The following DCAF10 variants were observed in gnomAD, a reference collection of about 807,000 sequenced individuals.
The protein encoded by DCAF10 is DDB1- and CUL4-associated factor 10.
A neutral mutation model predicts 51.9 loss-of-function variants in DCAF10; 19 were observed. The ratio of observed to expected loss-of-function variants is 0.37; its 90% CI spans 0.26 to 0.54. The LOEUF is 0.54. DCAF10 is among the 20% of genes least tolerant of loss of function. The pLI is 0.87. For synonymous variants in DCAF10, 291 were observed against 297.1 expected, an observed-to-expected ratio of 0.98 and a Z score of 0.21; for missense variants, 510 against 730.6, an observed-to-expected ratio of 0.70 and a Z score of 3.48.
chr9:37,830,404 A>T (rs1001571931), intron 2 of DCAF10, among the ~76,000 whole-genome samples: 2 of 152,228 alleles, frequency 1.3e-5, no homozygotes, highest in African/African-American at 4.8e-5. Context: ...GTTCTTATTA[A>T]ACATTTACAG....
chr9:37,811,356 A>T (rs1029132899), intron 1 of DCAF10, among the ~76,000 whole-genome samples: 4 of 152,312 alleles, frequency 2.6e-5, no homozygotes, highest in African/African-American at 9.6e-5. Flanking sequence ...TAAAAATATA[A>T]TATATCATCC....
At chr9:37,846,480 C>T (rs917492797) in intron 3 of DCAF10, among the ~76,000 whole-genome samples, 5 of 151,976 alleles carry the variant, frequency 3.3e-5, no homozygotes, top group Non-Finnish European at 5.9e-5. Flanking sequence ...ACTTATAGAC[C>T]TACAGCAAGT....
chr9:37,836,824 A>G (rs973753940), intron 2 of DCAF10, among the ~76,000 whole-genome samples: 2 of 151,972 alleles, frequency 1.3e-5, no homozygotes, highest in African/African-American at 4.8e-5. Context: ...CAGATTGAGC[A>G]GTTAAAGTTT....
At chr9:37,823,589 G>GTT (rs138960972) in intron 2 of DCAF10, among the ~76,000 whole-genome samples, 47 of 149,704 alleles carry the variant, frequency 3.1e-4, no homozygotes, top group African/African-American at 6.1e-4. Flanking sequence ...GAATTTAGGA[G>GTT]TTTTTTTGGC....
At chr9:37,836,065 A>T (rs1830156401) in intron 2 of DCAF10, 2 of 1,140,446 alleles carry the variant, frequency 1.8e-6, no homozygotes, top group Non-Finnish European at 2.7e-6. Flanking sequence ...TTGGACAGTT[A>T]TGAATATTTT....
intron 2 of DCAF10, among the ~76,000 whole-genome samples, chr9:37,823,452 G>A (rs1166325684): frequency 1.3e-5 from 2 of 152,212 alleles, no homozygotes; most frequent in South Asian, 4.1e-4. Flanking sequence ...AGGAGAAAAT[G>A]GAGTAATATT....
intron 1 of DCAF10, among the ~76,000 whole-genome samples, chr9:37,812,317 A>G (rs146457162): frequency 2.0e-5 from 3 of 152,330 alleles, no homozygotes; most frequent in East Asian, 3.9e-4. Flanking sequence ...ACTTAGCTAC[A>G]AGAGTAAAGC....
At chr9:37,838,612 C>T (rs1015252271) in intron 2 of DCAF10, among the ~76,000 whole-genome samples, 1 of 152,106 alleles carries the variant, frequency 6.6e-6, no homozygotes, top group Middle Eastern at 3.4e-3. Flanking sequence ...AAAAAGAAGC[C>T]GGGCACAGTG....
chr9:37,856,386 TCTAA>T (rs1420389438), intron 4 of DCAF10, among the ~76,000 whole-genome samples: 4 of 152,224 alleles, frequency 2.6e-5, no homozygotes, highest in African/African-American at 7.2e-5. Context: ...GATAAGCAAC[TCTAA>T]CTTAGTGAGA....
Position 37,861,742 on chromosome 9 carries a change from A to C in DCAF10, c.*234A>C. ...TTGCAGCATTCCTCTGCTCCTGCTG[A>C]TCTGTGCCACTGAACTCCAGTTCTT... is the stretch of plus-strand genomic sequence containing the variant. On this transcript the variant is annotated 3_prime_UTR_variant, in exon 7 of 7. Coordinates refer to ENST00000377724, the MANE Select transcript of DCAF10 (RefSeq NM_024345.5). The surrounding 1 kb of genome is among the most constrained non-coding windows in gnomAD (Gnocchi z 4.9). 6.3e-6 allele frequency: 3 copies of C among 472,916 alleles called. No homozygotes were observed. The highest frequency in any genetic ancestry group is 7.4e-6 in the Non-Finnish European group (2 of 271,242). 29.3% of individuals were successfully genotyped at this position (472,916 alleles called of 1,614,324 possible). A position where few individuals can be genotyped will look rare whatever the true frequency, so the allele number is the denominator to read the frequency against.
At chr9:37,813,419 A>G (rs1468426150) in intron 1 of DCAF10, among the ~76,000 whole-genome samples, 1 of 152,242 alleles carries the variant, frequency 6.6e-6, no homozygotes, top group Admixed American at 6.5e-5. Flanking sequence ...AAGCAACTGA[A>G]AAGGGACATA....
chr9:37,835,532 C>G (rs1324611101), intron 2 of DCAF10, among the ~76,000 whole-genome samples: 1 of 151,754 alleles, frequency 6.6e-6, no homozygotes, highest in East Asian at 1.9e-4. Context: ...GAGCCGAGAT[C>G]GCGCCACTGC....
intron 1 of DCAF10, among the ~76,000 whole-genome samples, chr9:37,802,649 A>ACT (rs1057092881): frequency 1.3e-5 from 2 of 152,068 alleles, no homozygotes; most frequent in Non-Finnish European, 2.9e-5. Context: ...GAGCAAGTAG[A>ACT]CTCTATTCCA....
intron 1 of DCAF10, among the ~76,000 whole-genome samples, chr9:37,808,061 C>T (rs1829176002): frequency 6.6e-6 from 1 of 152,128 alleles, no homozygotes; most frequent in African/African-American, 2.4e-5. Flanking sequence ...AAAATTTTCA[C>T]ATATGAGACC....
chr9:37,835,498 G>C (rs1341135970), intron 2 of DCAF10, among the ~76,000 whole-genome samples: 2 of 152,112 alleles, frequency 1.3e-5, no homozygotes, highest in African/African-American at 4.8e-5. Flanking sequence ...AGAATGACTT[G>C]AGCCCGGAAG....
intron 1 of DCAF10, among the ~76,000 whole-genome samples, chr9:37,805,208 G>A (rs1005421449): frequency 1.3e-5 from 2 of 152,176 alleles, no homozygotes; most frequent in East Asian, 1.9e-4. Flanking sequence ...GAGGCCGGGT[G>A]TGGTGGTTTA....
At chr9:37,842,698 G>A (rs1830366776) in intron 3 of DCAF10, among the ~76,000 whole-genome samples, 1 of 152,106 alleles carries the variant, frequency 6.6e-6, no homozygotes. Flanking sequence ...TGATCTCAAA[G>A]GGAATGTTTA....
chr9:37,825,021 A>G (rs1465575878), intron 2 of DCAF10, among the ~76,000 whole-genome samples: 2 of 152,206 alleles, frequency 1.3e-5, no homozygotes, highest in Non-Finnish European at 2.9e-5. Context: ...AATCAAGCAG[A>G]TAAAAATTAG....
At chr9:37,806,756 T>G (rs1396389733) in intron 1 of DCAF10, among the ~76,000 whole-genome samples, 2 of 152,224 alleles carry the variant, frequency 1.3e-5, no homozygotes, top group African/African-American at 4.8e-5. Context: ...ATTTCCCCAT[T>G]ATTTAGATAG....
Sources: allele counts gnomAD v4.1 joint callset (sites outside exome capture counted in the v4.1 genomes callset), GRCh38; gene constraint gnomAD v4.1.1; non-coding constraint Gnocchi (gnomAD v3.1); transcripts MANE v1.5; gene names NCBI Gene and HGNC (gene_info 2026-07-23, HGNC 2026-07-21).